The following ZNF420 variants were observed in gnomAD, a reference collection of about 807,000 sequenced individuals.
ZNF420 encodes zinc finger protein 420, also known as ATM and p53-associated KZNF protein.
In ZNF420, 31 loss-of-function variants were observed where a neutral mutation model predicts 44.7. That is an observed-to-expected ratio of 0.69 (90% CI 0.52 to 0.94). ZNF420 has a LOEUF of 0.94. Ranked by LOEUF, ZNF420 falls within the 40% of genes least tolerant of loss-of-function variation. ZNF420 has a pLI of 0.00. For synonymous variants in ZNF420, 245 were observed against 267.4 expected (o/e 0.92, Z 0.82); for missense variants, 681 against 827.9 (o/e 0.82, Z 2.18).
At position 37,127,326 on chromosome 19, in the gene ZNF420, T is replaced by TGA; in HGVS notation, c.335_336insGA (p.Ile112MetfsTer44). 1 of 1,612,642 alleles carries TGA rather than the reference T, an allele frequency of 6.2e-7. No homozygotes were observed. Among genetic ancestry groups the TGA allele is most frequent in the Non-Finnish European group, 8.5e-7 (1 of 1,179,114 alleles). The stretch of plus-strand genomic sequence containing the variant: ...AAGGAATATTTCAGGCAAGGGATGA[T>TGA]CATATATGACAAAATGTCCATTTTC... On this transcript the variant is annotated frameshift_variant, in exon 5 of 5. Coordinates refer to ENST00000337995, the MANE Select transcript of ZNF420 (RefSeq NM_144689.5). LOFTEE classifies it low-confidence loss of function (END_TRUNC).
At chr19:37,054,539 A>G (rs1473562335) in intron 1 of ZNF420, among the ~76,000 whole-genome samples, 2 of 152,202 alleles carry the variant, frequency 1.3e-5, no homozygotes, top group Non-Finnish European at 2.9e-5. Flanking sequence ...GTCTATGAAG[A>G]CAAAACCACA....
intron 4 of ZNF420, among the ~76,000 whole-genome samples, chr19:37,101,326 T>G (rs11084875): frequency 6.6e-6 from 1 of 151,828 alleles, no homozygotes; most frequent in Non-Finnish European, 1.5e-5. Context: ...GAAACCCCAT[T>G]TCTACTAAAA....
chr19:37,064,516 C>A (rs1356428907), intron 1 of ZNF420, among the ~76,000 whole-genome samples: 1 of 152,062 alleles, frequency 6.6e-6, no homozygotes, highest in African/African-American at 2.4e-5. Flanking sequence ...GTGCCCAACA[C>A]TGGAATCAAT....
chr19:37,129,765 G>T lies in ZNF420; in HGVS notation c.*707G>T. The T allele has an allele frequency of 4.6e-6, 1 of 218,632 alleles. No individual in the cohort carries two copies. Among genetic ancestry groups the T allele is most frequent in the Non-Finnish European group, 8.6e-6 (1 of 116,188 alleles). The allele number at this position is 218,632 out of a possible 1,614,324, so 13.5% of individuals were successfully genotyped here. ...GTATTATTAAAAAAAAAAAAACCCAGTGGATGTAATCAGTGTATTATTGAG... is the reference window on the plus strand; with the variant it reads ...GTATTATTAAAAAAAAAAAAACCCATTGGATGTAATCAGTGTATTATTGAG... On this transcript the variant is annotated 3_prime_UTR_variant, in exon 5 of 5. Transcript: ENST00000337995.
intron 4 of ZNF420, among the ~76,000 whole-genome samples, chr19:37,112,877 G>A (rs1029500647): frequency 8.5e-5 from 13 of 152,178 alleles, no homozygotes; most frequent in Non-Finnish European, 1.8e-4. Flanking sequence ...CCCTCAGGCC[G>A]TGGGCCATAT....
intron 4 of ZNF420, among the ~76,000 whole-genome samples, chr19:37,098,384 GC>G (rs773929217): frequency 3.3e-5 from 5 of 152,088 alleles, no homozygotes; most frequent in Non-Finnish European, 7.3e-5. Context: ...GGTATCTATT[GC>G]CTTTTAGGAG....
chr19:37,106,327 G>C (rs1970082193), intron 4 of ZNF420, among the ~76,000 whole-genome samples: 1 of 152,266 alleles, frequency 6.6e-6, no homozygotes, highest in Non-Finnish European at 1.5e-5. Context: ...TTATTGATTT[G>C]CATATGTTGA....
chr19:37,105,382 T>A (rs541960169), intron 4 of ZNF420, among the ~76,000 whole-genome samples: 1 of 152,238 alleles, frequency 6.6e-6, no homozygotes, highest in Non-Finnish European at 1.5e-5. Flanking sequence ...ACCAGTACCA[T>A]GCTGTTTTGG....
At position 37,129,083 on chromosome 19, in the gene ZNF420, A is replaced by G; in HGVS notation, c.*25A>G. The G allele has an allele frequency of 1.3e-6, 2 of 1,587,926 alleles. No homozygotes were observed. Among genetic ancestry groups the G allele is most frequent in the Non-Finnish European group, 8.6e-7 (1 of 1,164,016 alleles). ...AATTGTCTGATTATTTGAGATCACT[A>G]TGAAGAGGTTCTCTGGTTGTTAGCA... On this transcript the variant is annotated 3_prime_UTR_variant, in exon 5 of 5. Transcript: ENST00000337995.
chr19:37,011,993 T>C (rs1251745499), intron 1 of ZNF420, among the ~76,000 whole-genome samples: 2 of 152,180 alleles, frequency 1.3e-5, no homozygotes, highest in Non-Finnish European at 2.9e-5. Context: ...GCCTTGAGGC[T>C]CATGGATCTT....
At chr19:37,024,748 C>G (rs1189760730) in intron 1 of ZNF420, 1 of 152,120 alleles carries the variant, frequency 6.6e-6, no homozygotes, top group African/African-American at 2.4e-5. Flanking sequence ...CCACGCCTGG[C>G]CTTAATTTTT....
chr19:37,055,199 G>T (rs1479149717), intron 1 of ZNF420, among the ~76,000 whole-genome samples: 1 of 152,174 alleles, frequency 6.6e-6, no homozygotes, highest in East Asian at 1.9e-4. Context: ...AGGCAACATA[G>T]TAAGTCCCCA....
chr19:37,063,147 C>G (rs1967906055), intron 1 of ZNF420, among the ~76,000 whole-genome samples: 1 of 152,120 alleles, frequency 6.6e-6, no homozygotes, highest in African/African-American at 2.4e-5. Context: ...AGTATAGCAC[C>G]AGGAACTTTC....
intron 4 of ZNF420, among the ~76,000 whole-genome samples, chr19:37,112,874 G>T (rs10402907): frequency 0.5 from 76,651 of 151,934 alleles, 20,018 homozygotes; most frequent in African/African-American, 0.58. Context: ...GTCCCCTCAG[G>T]CCGTGGGCCA....
intron 4 of ZNF420, among the ~76,000 whole-genome samples, chr19:37,099,522 A>G (rs1463403925): frequency 6.6e-6 from 1 of 151,984 alleles, no homozygotes; most frequent in African/African-American, 2.4e-5. Context: ...TAATCAGATT[A>G]TTTGTTTTTT....
intron 1 of ZNF420, among the ~76,000 whole-genome samples, chr19:37,029,355 C>T (rs1332365902): frequency 2.6e-5 from 4 of 152,036 alleles, no homozygotes; most frequent in Admixed American, 6.6e-5. Context: ...AAAGCATTCC[C>T]GCATTTCAGT....
intron 1 of ZNF420, among the ~76,000 whole-genome samples, chr19:37,046,247 C>G (rs1967540505): frequency 6.6e-6 from 1 of 152,140 alleles, no homozygotes; most frequent in Non-Finnish European, 1.5e-5. Context: ...TTAGAACAAC[C>G]ACTTTGGAAA....
At chr19:37,032,352 A>T (rs780062398) in intron 1 of ZNF420, among the ~76,000 whole-genome samples, 1 of 150,290 alleles carries the variant, frequency 6.7e-6, no homozygotes, top group African/African-American at 2.5e-5. Flanking sequence ...CCAAAAAACT[A>T]AAATTAGCCA....
chr19:37,050,130 AG>A (rs1282473516), intron 1 of ZNF420, among the ~76,000 whole-genome samples: 3 of 152,130 alleles, frequency 2.0e-5, no homozygotes, highest in African/African-American at 7.2e-5. Context: ...CTTGTAATAT[AG>A]TTTGAGGTCA....
Sources: allele counts gnomAD v4.1 joint callset (sites outside exome capture counted in the v4.1 genomes callset), GRCh38; gene constraint gnomAD v4.1.1; transcripts MANE v1.5; gene names NCBI Gene and HGNC (gene_info 2026-07-23, HGNC 2026-07-21).